Variants in THSD7A observed in about 807,000 individuals in gnomAD.
THSD7A encodes thrombospondin type-1 domain-containing protein 7A.
A neutral mutation model predicts 231.3 loss-of-function variants in THSD7A; 96 were observed. The observed-to-expected ratio is 0.41, with a 90% confidence interval of 0.35 to 0.49. The LOEUF (loss-of-function observed/expected upper bound fraction) is 0.49. Ranked by LOEUF, THSD7A falls within the 20% of genes least tolerant of loss-of-function variation. THSD7A has a pLI of 0.05. For synonymous variants in THSD7A, 940 were observed against 743.3 expected, an observed-to-expected ratio of 1.26 and a Z score of -4.30; for missense variants, 2,290 against 2,070.2, an observed-to-expected ratio of 1.11 and a Z score of -2.06.
Position 11,424,684 on chromosome 7 carries a change from G to A in THSD7A, c.3383+12C>T. 1.2e-6 allele frequency: 2 copies of A among 1,613,802 alleles called. No homozygotes were observed. The highest frequency in any genetic ancestry group is 1.7e-4 in the Middle Eastern group (1 of 6,058). On this transcript the variant is annotated intron_variant, in intron 16 of 27. Transcript: ENST00000423059. ...GTGTCTTGCTTTTCTGTATAATTAG[G>A]CTTTGTCTTACCTCACTTTTCGGGT...
rs148349518 is a variant in THSD7A, at chr7:11,754,110, C to G, written c.190+77647G>C. On this transcript the variant is annotated intron_variant, in intron 1 of 27. Coordinates refer to ENST00000423059, the MANE Select transcript of THSD7A (RefSeq NM_015204.3). Reference sequence around the variant, plus strand: ...AAAGCATTCAATAGAAACCATCTCCCAGGAAGCCCCTATTTCAGATTTACT... The same window carrying G: ...AAAGCATTCAATAGAAACCATCTCCGAGGAAGCCCCTATTTCAGATTTACT... 6.3e-3 allele frequency among the ~76,000 whole-genome samples: 964 copies of G among 152,008 alleles called. 9 individuals carry two copies. Among genetic ancestry groups the G allele is most frequent in the African/African-American group, 0.022 (922 of 41,526 alleles).
At chr7:11,668,420 A>G (rs979020648) in intron 1 of THSD7A, among the ~76,000 whole-genome samples, 4 of 151,652 alleles carry the variant, frequency 2.6e-5, no homozygotes, top group African/African-American at 9.7e-5. Context: ...CTCCATCTCA[A>G]AAAAAGAAAG....
rs541548910 is a variant in THSD7A at position 11,421,612 on chromosome 7, A to T, written c.3383+3084T>A. On this transcript the variant is annotated intron_variant, in intron 16 of 27. Coordinates refer to ENST00000423059, the MANE Select transcript of THSD7A (RefSeq NM_015204.3). Reference sequence around the variant, plus strand: ...TTTTAAGAAAATCAGAAGAAATAAAAATTTCCACAATTTCATCAGAGATAA... The same window carrying T: ...TTTTAAGAAAATCAGAAGAAATAAATATTTCCACAATTTCATCAGAGATAA... Among the ~76,000 whole-genome samples the T allele has an allele frequency of 1.8e-4, 28 of 152,304 alleles. No individual in the cohort carries two copies. In the South Asian group the frequency reaches 5.4e-3, roughly 29 times the overall value.
chr7:11,390,815 T>C (rs1334088352), intron 23 of THSD7A, among the ~76,000 whole-genome samples: 2 of 152,234 alleles, frequency 1.3e-5, no homozygotes, highest in African/African-American at 4.8e-5. Flanking sequence ...ATGCTATTCC[T>C]TTCTGTTTGT....
intron 22 of THSD7A, among the ~76,000 whole-genome samples, chr7:11,402,985 TGG>T (rs1350960259): frequency 3.3e-5 from 5 of 152,322 alleles, no homozygotes; most frequent in South Asian, 4.1e-4. Context: ...GTGCAATTGC[TGG>T]GCCATAGTGC....
chr7:11,621,897 T>C (rs1311548370), intron 2 of THSD7A, among the ~76,000 whole-genome samples: 1 of 152,138 alleles, frequency 6.6e-6, no homozygotes, highest in Non-Finnish European at 1.5e-5. Context: ...ATGTCACAAA[T>C]CATACAAAAC....
intron 13 of THSD7A, among the ~76,000 whole-genome samples, chr7:11,443,618 T>C (rs1233323536): frequency 6.6e-6 from 1 of 151,982 alleles, no homozygotes; most frequent in Non-Finnish European, 1.5e-5. Context: ...TTTTTTTTTG[T>C]TTTTACCTTA....
intron 4 of THSD7A, among the ~76,000 whole-genome samples, chr7:11,546,200 G>GTGTGTGCGCGCA (rs1378231214): frequency 2.0e-4 from 8 of 40,826 alleles, no homozygotes; most frequent in Non-Finnish European, 3.2e-4. Flanking sequence ...GTGTGGGCGC[G>GTGTGTGCGCGCA]CGCTCACACA....
chr7:11,568,585 A>G (rs1438824805), intron 4 of THSD7A, among the ~76,000 whole-genome samples: 4 of 126,304 alleles, frequency 3.2e-5, no homozygotes, highest in Non-Finnish European at 6.3e-5. Flanking sequence ...AGATCACGCC[A>G]CTGCACTCCA....
At chr7:11,788,672 G>C (rs912884652) in intron 1 of THSD7A, among the ~76,000 whole-genome samples, 8 of 151,990 alleles carry the variant, frequency 5.3e-5, no homozygotes, top group African/African-American at 1.9e-4. Context: ...TAGAGTTGTG[G>C]ATAAACTCAC....
chr7:11,604,034 A>T (rs908418227), intron 2 of THSD7A, among the ~76,000 whole-genome samples: 1 of 151,634 alleles, frequency 6.6e-6, no homozygotes, highest in Admixed American at 6.6e-5. Context: ...ATAATAAAAA[A>T]AAAATGCCAA....
At chr7:11,621,387 T>G (rs1416178561) in intron 2 of THSD7A, among the ~76,000 whole-genome samples, 2 of 152,206 alleles carry the variant, frequency 1.3e-5, no homozygotes, top group African/African-American at 4.8e-5. Context: ...TACCTTTTGC[T>G]TTCTTTCTGG....
intron 1 of THSD7A, among the ~76,000 whole-genome samples, chr7:11,650,838 T>G (rs1584147616): frequency 7.1e-6 from 1 of 141,178 alleles, no homozygotes; most frequent in Non-Finnish European, 1.6e-5. Flanking sequence ...GTTTTGTTTT[T>G]TTCTAAAAAT....
chr7:11,693,215 T>C (rs550018647), intron 1 of THSD7A, among the ~76,000 whole-genome samples: 2 of 151,716 alleles, frequency 1.3e-5, no homozygotes, highest in East Asian at 2.0e-4. Context: ...AAATTTACCA[T>C]GTAAGAAACA....
chr7:11,380,108 G>A (rs1379079208), intron 24 of THSD7A, among the ~76,000 whole-genome samples: 2 of 152,098 alleles, frequency 1.3e-5, no homozygotes, highest in Admixed American at 6.6e-5. Context: ...TAGTTTTCAC[G>A]TACTTTGAAA....
intron 1 of THSD7A, among the ~76,000 whole-genome samples, chr7:11,774,632 G>C (rs1353212044): frequency 1.3e-5 from 2 of 152,046 alleles, no homozygotes; most frequent in Non-Finnish European, 2.9e-5. Flanking sequence ...CTATCAATTT[G>C]TATATATTAT....
intron 2 of THSD7A, among the ~76,000 whole-genome samples, chr7:11,619,515 C>G (rs1781232988): frequency 6.6e-6 from 1 of 151,524 alleles, no homozygotes; most frequent in Non-Finnish European, 1.5e-5. Flanking sequence ...CTCAAGAAAT[C>G]CTCCTGCCAA....
intron 1 of THSD7A, among the ~76,000 whole-genome samples, chr7:11,679,575 TA>T (rs1373760296): frequency 2.6e-5 from 4 of 152,080 alleles, no homozygotes; most frequent in Admixed American, 2.6e-4. Flanking sequence ...AGCCAAATCA[TA>T]AGCAAACTCC....
intron 5 of THSD7A, among the ~76,000 whole-genome samples, chr7:11,542,530 C>A (rs1272379545): frequency 2.6e-5 from 4 of 152,136 alleles, no homozygotes. Context: ...ATGGGTCAGG[C>A]ACTGAACTAA....
Sources: gnomAD v4.1 joint callset for allele counts (sites outside exome capture counted in the v4.1 genomes callset) on GRCh38, gnomAD v4.1.1 for gene constraint, MANE v1.5 for transcripts, NCBI Gene and HGNC (gene_info 2026-07-23, HGNC 2026-07-21) for gene names.